Variants in EHMT1 observed in about 807,000 individuals in gnomAD.
The protein encoded by EHMT1 is histone-lysine N-methyltransferase EHMT1.
A neutral mutation model predicts 147.2 loss-of-function variants in EHMT1; 15 were observed. That is an observed-to-expected ratio of 0.10 (90% CI 0.07 to 0.16). The LOEUF (loss-of-function observed/expected upper bound fraction) is 0.16. Among genes scored for constraint, EHMT1 ranks in the 10% least tolerant of loss-of-function variants. The probability of loss-of-function intolerance (pLI) is 1.00; values close to 1 mark genes in which losing one functional copy is unlikely to be tolerated. For missense variants in EHMT1, 1,587 were observed against 1,772.4 expected, an observed-to-expected ratio of 0.90 and a Z score of 1.88; for synonymous variants, 795 against 709.6, an observed-to-expected ratio of 1.12 and a Z score of -1.91.
intron 1 of EHMT1, among the ~76,000 whole-genome samples, chr9:137,688,079 AG>A (rs1185961493): frequency 1.3e-5 from 2 of 152,178 alleles, no homozygotes; most frequent in Non-Finnish European, 2.9e-5. Context: ...GCTGGAGTGC[AG>A]TGGCACAATC....
At chr9:137,621,866 G>A (rs1038009475) in intron 1 of EHMT1, among the ~76,000 whole-genome samples, 1 of 150,704 alleles carries the variant, frequency 6.6e-6, no homozygotes, top group African/African-American at 2.4e-5. Flanking sequence ...TTAAAATAAT[G>A]CAGGCACGTG....
intron 18 of EHMT1, among the ~76,000 whole-genome samples, chr9:137,809,408 G>A (rs1035459996): frequency 1.3e-5 from 2 of 152,352 alleles, no homozygotes; most frequent in South Asian, 2.1e-4. Flanking sequence ...GGGATGTGGC[G>A]GCGGCCCTGC....
intron 12 of EHMT1, among the ~76,000 whole-genome samples, chr9:137,777,547 T>C (rs867414441): frequency 9.8e-5 from 15 of 152,352 alleles, no homozygotes; most frequent in African/African-American, 2.6e-4. Flanking sequence ...CATGTTAAGG[T>C]GATTCCTTCC....
rs1052341164 is a variant in EHMT1, at chr9:137,646,379, A to G, written c.21+27330A>G. 7 of 985,574 alleles carry G rather than the reference A, an allele frequency of 7.1e-6. No homozygotes were observed. The South Asian group carries it at 1.9e-4, about 26-fold the overall frequency. 61.1% of individuals were successfully genotyped at this position (985,574 alleles called of 1,614,324 possible). A position where few individuals can be genotyped will look rare whatever the true frequency, so the allele number is the denominator to read the frequency against. On this transcript the variant is annotated intron_variant, in intron 1 of 26. Coordinates refer to ENST00000460843, the MANE Select transcript of EHMT1 (RefSeq NM_024757.5). The stretch of plus-strand genomic sequence containing the variant: ...ACATTTCAAGTTTGTGCTGCGGGCA[A>G]GAATCCTGTGACCACGGGGAGAGGA...
At chr9:137,704,681 T>G (rs994562732) in intron 1 of EHMT1, among the ~76,000 whole-genome samples, 1 of 152,048 alleles carries the variant, frequency 6.6e-6, no homozygotes, top group African/African-American at 2.4e-5. Flanking sequence ...TATTTAGGAT[T>G]TTGTATTTAA....
intron 1 of EHMT1, among the ~76,000 whole-genome samples, chr9:137,689,146 T>C (rs1942718057): frequency 6.6e-6 from 1 of 152,164 alleles, no homozygotes; most frequent in Non-Finnish European, 1.5e-5. Flanking sequence ...AGGATTTTAT[T>C]TTCAATTACA....
intron 1 of EHMT1, among the ~76,000 whole-genome samples, chr9:137,683,609 A>G (rs1942170802): frequency 6.6e-6 from 1 of 152,162 alleles, no homozygotes; most frequent in African/African-American, 2.4e-5. Context: ...TTTTGCTCAT[A>G]TTGGTTAAGG....
Position 137,781,258 on chromosome 9 carries a change from C to CGACGCTGGGACGTGTGGTGAT in EHMT1, c.2276-1025_2276-1005dup, listed in dbSNP as rs1951499574. Among the ~76,000 whole-genome samples the CGACGCTGGGACGTGTGGTGAT allele has an allele frequency of 7.1e-4, 39 of 54,682 alleles. 2 individuals carry two copies. The highest frequency in any genetic ancestry group is 2.1e-3 in the Admixed American group (9 of 4,244). 35.9% of individuals were successfully genotyped at this position (54,682 alleles called of 152,430 possible). A position where few individuals can be genotyped will look rare whatever the true frequency, so the allele number is the denominator to read the frequency against. On this transcript the variant is annotated intron_variant, in intron 14 of 26. Transcript: ENST00000460843. ...GTGACGACGCTGGGACGTGTGGTGACGACGCTGGGACGTGTGGTGATGACG... is the reference window on the plus strand; with the variant it reads ...GTGACGACGCTGGGACGTGTGGTGACGACGCTGGGACGTGTGGTGATGACGCTGGGACGTGTGGTGATGACG...
At chr9:137,717,809 G>A (rs1297531407) in intron 3 of EHMT1, among the ~76,000 whole-genome samples, 2 of 152,154 alleles carry the variant, frequency 1.3e-5, no homozygotes, top group African/African-American at 4.8e-5. Flanking sequence ...CTCCAGCTAG[G>A]GAAGACTCAG....
intron 22 of EHMT1, chr9:137,815,577 G>C (rs545517924): frequency 2.8e-6 from 1 of 355,822 alleles, no homozygotes; most frequent in African/African-American, 2.1e-5. Flanking sequence ...GGCCAGGAGT[G>C]CAGGAGGGTG....
chr9:137,823,985 T>C (rs1955640088), intron 25 of EHMT1, among the ~76,000 whole-genome samples: 2 of 152,266 alleles, frequency 1.3e-5, no homozygotes, highest in South Asian at 4.1e-4. Flanking sequence ...CCTTGCCTCC[T>C]CACTTTCTTA....
At chr9:137,667,725 GT>G (rs1277862455) in intron 1 of EHMT1, among the ~76,000 whole-genome samples, 6 of 152,142 alleles carry the variant, frequency 3.9e-5, no homozygotes, top group African/African-American at 1.4e-4. Context: ...GTTTTGGTGT[GT>G]TTTCTTGAAA....
At chr9:137,829,346 C>T (rs964056298) in intron 25 of EHMT1, among the ~76,000 whole-genome samples, 10 of 152,192 alleles carry the variant, frequency 6.6e-5, no homozygotes, top group African/African-American at 2.2e-4. Flanking sequence ...TCAGACATAC[C>T]AGAAAGCAGA....
chr9:137,762,542 G>A (rs1949908749), intron 9 of EHMT1, 133 bp from the exon 10 acceptor site: 4 of 1,490,680 alleles, frequency 2.7e-6, no homozygotes, highest in African/African-American at 2.8e-5. Context: ...AGGGCTGTTT[G>A]TGCTGGGTAA....
Position 137,743,510 on chromosome 9 carries a change from T to A in EHMT1, c.963T>A (p.His321Gln). The change falls in exon 5 of 27, where the codon CAT becomes CAA. Residue 321 changes from histidine (H) to glutamine (Q), a missense_variant. Coordinates refer to ENST00000460843, the MANE Select transcript of EHMT1 (RefSeq NM_024757.5). Reference protein sequence around the residue: ...TVIEMFKSITHSTVGSKGEKD... With the variant: ...TVIEMFKSITQSTVGSKGEKD... ...TTGAGATGTTTAAGAGCATAACTCA[T>A]TCCACTGTGGGTTCCAAGGTAAGAG... The A allele has an allele frequency of 6.2e-7, 1 of 1,614,150 alleles. No individual in the cohort carries two copies. Among genetic ancestry groups the A allele is most frequent in the Non-Finnish European group, 8.5e-7 (1 of 1,180,026 alleles).
intron 15 of EHMT1, chr9:137,784,417 CT>C (rs1175261681): frequency 4.1e-6 from 5 of 1,210,544 alleles, no homozygotes; most frequent in Non-Finnish European, 5.1e-6. Flanking sequence ...GAAGCCAATA[CT>C]TTTTTGGTCG....
intron 1 of EHMT1, among the ~76,000 whole-genome samples, chr9:137,703,258 C>G (rs1156255812): frequency 6.6e-6 from 1 of 152,190 alleles, no homozygotes; most frequent in Non-Finnish European, 1.5e-5. Flanking sequence ...GGCATTTTCC[C>G]CATTGTCTTG....
chr9:137,737,668 G>C (rs934502906), intron 4 of EHMT1, among the ~76,000 whole-genome samples: 4 of 152,338 alleles, frequency 2.6e-5, no homozygotes, highest in African/African-American at 7.2e-5. Context: ...TGGGTTTGAT[G>C]AGACTTGGTG....
rs955064268 is a variant in EHMT1 at position 137,803,086 on chromosome 9, A to G, written c.2712+2102A>G. 11 of 1,229,922 alleles carry G rather than the reference A, an allele frequency of 8.9e-6. No homozygotes were observed. The East Asian group carries it at 3.2e-4, about 35-fold the overall frequency. 76.2% of individuals were successfully genotyped at this position (1,229,922 alleles called of 1,614,324 possible). A position where few individuals can be genotyped will look rare whatever the true frequency, so the allele number is the denominator to read the frequency against. On this transcript the variant is annotated intron_variant, in intron 18 of 26. Coordinates refer to ENST00000460843, the MANE Select transcript of EHMT1 (RefSeq NM_024757.5). ...GCCCTAGTGTGGCTGGTCGGCCTGCATGCCTGGGCAGTTTGCAGCCTGTCC... is the reference window on the plus strand; with the variant it reads ...GCCCTAGTGTGGCTGGTCGGCCTGCGTGCCTGGGCAGTTTGCAGCCTGTCC...
Sources: gnomAD v4.1 joint callset for allele counts (sites outside exome capture counted in the v4.1 genomes callset) on GRCh38, gnomAD v4.1.1 for gene constraint, MANE v1.5 for transcripts, NCBI Gene and HGNC (gene_info 2026-07-23, HGNC 2026-07-21) for gene names.